CORO1C: variants seen among roughly 807,000 people sequenced by gnomAD.
CORO1C encodes the protein coronin-1C.
CORO1C carries 14 observed loss-of-function variants against 51.2 expected under a neutral mutation model. The ratio of observed to expected loss-of-function variants is 0.27; its 90% confidence interval spans 0.18 to 0.43. The LOEUF is 0.43. Ranked by LOEUF, CORO1C falls within the 20% of genes least tolerant of loss-of-function variation. CORO1C has a pLI of 1.00. For synonymous variants in CORO1C, 181 were observed against 210.5 expected, an observed-to-expected ratio of 0.86 and a Z score of 1.21; for missense variants, 417 against 607.8, an observed-to-expected ratio of 0.69 and a Z score of 3.30.
chr12:108,680,611 A>T (rs981890200), intron 2 of CORO1C, among the ~76,000 whole-genome samples: 10 of 152,218 alleles, frequency 6.6e-5, no homozygotes, highest in Non-Finnish European at 1.0e-4. Context: ...CTATAAAACT[A>T]GAATGTTTAA....
intron 2 of CORO1C, among the ~76,000 whole-genome samples, chr12:108,700,193 C>T (rs1054139193): frequency 6.6e-6 from 1 of 152,112 alleles, no homozygotes; most frequent in Non-Finnish European, 1.5e-5. Context: ...AGAGTGGAAA[C>T]AGCTGTCATA....
intron 3 of CORO1C, among the ~76,000 whole-genome samples, chr12:108,675,110 A>G (rs1330292277): frequency 6.6e-6 from 1 of 152,196 alleles, no homozygotes; most frequent in Non-Finnish European, 1.5e-5. Flanking sequence ...GTCAGCAGCC[A>G]TCAACACTGA....
chr12:108,722,314 T>TA (rs1565940913), intron 1 of CORO1C, among the ~76,000 whole-genome samples: 1 of 152,096 alleles, frequency 6.6e-6, no homozygotes. Context: ...TACCATGATT[T>TA]AAAGAAAGTG....
At chr12:108,686,853 C>G (rs576758608) in intron 2 of CORO1C, among the ~76,000 whole-genome samples, 121 of 152,268 alleles carry the variant, frequency 7.9e-4, no homozygotes, top group Non-Finnish European at 1.3e-3. Context: ...CTGCCCAGAG[C>G]CAAGCAACAT....
intron 2 of CORO1C, among the ~76,000 whole-genome samples, chr12:108,690,945 T>G (rs539763747): frequency 7.2e-5 from 11 of 152,246 alleles, no homozygotes; most frequent in Non-Finnish European, 1.5e-4. Flanking sequence ...TGGAGATTGA[T>G]CTACTGAAAC....
chr12:108,721,907 C>G (rs1487983295), intron 1 of CORO1C, among the ~76,000 whole-genome samples: 1 of 151,832 alleles, frequency 6.6e-6, no homozygotes, highest in Non-Finnish European at 1.5e-5. Context: ...TGTGAAGTTC[C>G]CAAATGGAAA....
At chr12:108,723,515 A>AT (rs1473007157) in intron 1 of CORO1C, among the ~76,000 whole-genome samples, 1 of 152,218 alleles carries the variant, frequency 6.6e-6, no homozygotes, top group Non-Finnish European at 1.5e-5. Flanking sequence ...TTCCTTTCCC[A>AT]TGTGTGTCTA....
intron 2 of CORO1C, among the ~76,000 whole-genome samples, chr12:108,693,393 G>A (rs117666396): frequency 0.019 from 2,904 of 152,244 alleles, 39 homozygotes; most frequent in Non-Finnish European, 0.026. Flanking sequence ...CAACGTGACA[G>A]AAGTCACTGC....
At chr12:108,711,523 T>C (rs1480232715) in intron 1 of CORO1C, among the ~76,000 whole-genome samples, 2 of 151,682 alleles carry the variant, frequency 1.3e-5, no homozygotes, top group African/African-American at 4.9e-5. Context: ...CTACTAAAAA[T>C]ACAAAAATTA....
At chr12:108,683,570 A>C (rs992371200) in intron 2 of CORO1C, among the ~76,000 whole-genome samples, 2 of 152,230 alleles carry the variant, frequency 1.3e-5, no homozygotes, top group Non-Finnish European at 2.9e-5. Context: ...GTAGAAATTT[A>C]CAGAGTATGA....
chr12:108,709,709 T>G (rs1286304053), intron 1 of CORO1C, among the ~76,000 whole-genome samples: 1 of 152,168 alleles, frequency 6.6e-6, no homozygotes, highest in Admixed American at 6.6e-5. Flanking sequence ...TAAAGGGATC[T>G]AATTTTCTCA....
chr12:108,697,408 C>A (rs1180251267), intron 2 of CORO1C, among the ~76,000 whole-genome samples: 1 of 152,174 alleles, frequency 6.6e-6, no homozygotes, highest in Non-Finnish European at 1.5e-5. Flanking sequence ...TAAAATCATG[C>A]CAGGCTGCTA....
In CORO1C at chr12:108,646,110, C is replaced by T. The variant is rs1309606931; in HGVS notation, c.*1293G>A. The T allele has an allele frequency of 6.6e-6, 1 of 152,232 alleles. No individual in the cohort carries two copies. Among genetic ancestry groups the T allele is most frequent in the African/African-American group, 2.4e-5 (1 of 41,438 alleles). 9.4% of individuals were successfully genotyped at this position (152,232 alleles called of 1,614,324 possible). ...GAGGTCTGTGCTCCTGTTTCTGCTT[C>T]ACTCTCTATCATTCTCCTCAGTCTC... On this transcript the variant is annotated 3_prime_UTR_variant, in exon 11 of 11. Transcript: ENST00000261401.
intron 2 of CORO1C, among the ~76,000 whole-genome samples, chr12:108,694,700 T>C (rs941745730): frequency 2.6e-5 from 4 of 152,216 alleles, no homozygotes; most frequent in African/African-American, 9.6e-5. Context: ...TCTTGCCATA[T>C]AGCTTTCTCT....
At chr12:108,700,214 T>G (rs532382274) in intron 2 of CORO1C, among the ~76,000 whole-genome samples, 2 of 152,186 alleles carry the variant, frequency 1.3e-5, no homozygotes, top group African/African-American at 4.8e-5. Flanking sequence ...CGACCCAACA[T>G]CTGCATCCTC....
chr12:108,648,456 T>A, intron 10 of CORO1C, 149 bp downstream of exon 10: 2 of 1,060,000 alleles, frequency 1.9e-6, no homozygotes, highest in Non-Finnish European at 2.8e-6. Context: ...CACCATCACG[T>A]GACCGAGGAC....
intron 3 of CORO1C, among the ~76,000 whole-genome samples, chr12:108,675,403 G>A (rs1056761016): frequency 2.6e-5 from 4 of 152,122 alleles, no homozygotes; most frequent in Non-Finnish European, 5.9e-5. Flanking sequence ...AATGGGAAAA[G>A]GCGAGAAAGT....
intron 3 of CORO1C, among the ~76,000 whole-genome samples, chr12:108,675,025 C>T (rs2033855340): frequency 1.3e-5 from 2 of 152,086 alleles, no homozygotes; most frequent in Admixed American, 1.3e-4. Context: ...TGTGAGAGGC[C>T]AAGTCAATCA....
rs1242981868 is a variant in CORO1C at position 108,666,568 on chromosome 12, C to A, written c.319-4410G>T. On this transcript the variant is annotated intron_variant, in intron 3 of 10. Transcript: ENST00000261401. Reference sequence around the variant, plus strand: ...GTTGTCTGCTACTCTGGGTGATGGCCTGCTCGGTTTGGACTGATGTTCCTG... The same window carrying A: ...GTTGTCTGCTACTCTGGGTGATGGCATGCTCGGTTTGGACTGATGTTCCTG... Among the ~76,000 whole-genome samples the A allele has an allele frequency of 1.3e-5, 2 of 152,264 alleles. 1 individual carries two copies. Among genetic ancestry groups the A allele is most frequent in the East Asian group, 3.9e-4 (2 of 5,178 alleles).
Sources: allele counts gnomAD v4.1 joint callset (sites outside exome capture counted in the v4.1 genomes callset), GRCh38; gene constraint gnomAD v4.1.1; transcripts MANE v1.5; gene names NCBI Gene and HGNC (gene_info 2026-07-23, HGNC 2026-07-21).